The following SPATA31D1 variants were observed in gnomAD, a reference collection of about 807,000 sequenced individuals.
The protein encoded by SPATA31D1 is SPATA31 subfamily D member 1, also known as spermatogenesis-associated protein 31D1.
In SPATA31D1, 6 loss-of-function variants were observed where a neutral mutation model predicts 13.2. The ratio of observed to expected loss-of-function variants is 0.46; its 90% CI spans 0.25 to 0.90. The LOEUF (loss-of-function observed/expected upper bound fraction) is 0.90. Ranked by LOEUF, SPATA31D1 falls within the 40% of genes least tolerant of loss-of-function variation. The pLI is 0.18. For synonymous variants in SPATA31D1, 903 were observed against 718.8 expected (o/e 1.26, Z -4.10); for missense variants, 2,445 against 1,884.7 (o/e 1.30, Z -5.50).
At chr9:81,988,027 G>C (rs533905949), upstream of SPATA31D1, among the ~76,000 whole-genome samples, 1 of 152,140 alleles carries the variant, frequency 6.6e-6, no homozygotes, top group African/African-American at 2.4e-5. Context: ...ACAGACCTCC[G>C]CTTTCCTTCC....
rs1276391451 is a variant in SPATA31D1 at position 81,992,550 on chromosome 9, A to G, written c.2080A>G (p.Arg694Gly). The G allele has an allele frequency of 2.9e-5, 46 of 1,611,848 alleles. No individual in the cohort carries two copies. Among genetic ancestry groups the G allele is most frequent in the Non-Finnish European group, 3.9e-5 (46 of 1,179,730 alleles). Residue 694 changes from arginine to glycine, a missense_variant, in exon 4 of 4, where the codon AGG becomes GGG. By Grantham distance (125) the Arg-to-Gly change is moderately radical. Transcript: ENST00000344803. ...RKKLEQHIRR[R>G]LIQRRWGLPR... ...GAAACTAGAGCAACACATTCGAAGG[A>G]GGCTCATCCAGCGCAGATGGGGCCT...
At chr9:81,989,750 C>T (rs1427956223) in intron 1 of SPATA31D1, 28 bp from the exon 2 acceptor site, 1 of 1,612,846 alleles carries the variant, frequency 6.2e-7, no homozygotes. Context: ...TGAGTCCCAG[C>T]CTGTCATTAT....
In SPATA31D1 at chr9:81,990,956, G is replaced by A. The variant is rs575416308; in HGVS notation, c.486G>A (p.Ser162=). 178 of 1,613,530 alleles carry A rather than the reference G, an allele frequency of 1.1e-4. No homozygotes were observed. The highest frequency in any genetic ancestry group is 1.4e-4 in the Non-Finnish European group (167 of 1,179,806). ...CCTCTGTGTCCCCTTTGGCTTCTTC[G>A]GCTTCTGCGACTGAGTCATCGTTCA... ...AAPSVSPLAS[S]ASATESSFTL... The change falls in exon 4 of 4, where the codon TCG becomes TCA. Residue 162 remains serine, a synonymous_variant. Coordinates refer to ENST00000344803, the MANE Select transcript of SPATA31D1 (RefSeq NM_001001670.3).
In SPATA31D1 at chr9:81,991,954, A is replaced by G. The variant is rs185700687; in HGVS notation, c.1484A>G (p.His495Arg). Residue 495 changes from histidine (H) to arginine (R), a missense_variant, in exon 4 of 4, where the codon CAT (histidine) becomes CGT (arginine). By Grantham distance (29) the His-to-Arg change is conservative. Transcript: ENST00000344803. Reference sequence around the variant, plus strand: ...CCACACTCTAAATGCTTTGAAGACCATTTAGAGCAAAAATATGTCCAGCTC... The same window carrying G: ...CCACACTCTAAATGCTTTGAAGACCGTTTAGAGCAAAAATATGTCCAGCTC... Reference protein sequence around the residue: ...QPPHSKCFEDHLEQKYVQLFW... With the variant: ...QPPHSKCFEDRLEQKYVQLFW... The G allele has an allele frequency of 8.7e-6, 14 of 1,613,812 alleles. 1 individual carries two copies. In the African/African-American group the frequency reaches 9.3e-5, roughly 11 times the overall value.
In SPATA31D1 at chr9:81,990,421, C is replaced by T; in HGVS notation, c.237C>T (p.Phe79=). Reference sequence around the variant, plus strand: ...TGCATATAACATACTATTCAGGTTTCCCAGACTGGAAAAGTTTCCAGAGAG... The same window carrying T: ...TGCATATAACATACTATTCAGGTTTTCCAGACTGGAAAAGTTTCCAGAGAG... The part of the protein sequence containing the change: ...RRRKGGTFKG[F]PDWKSFQREE... The change falls in exon 3 of 4, where the codon TTC becomes TTT. Residue 79 remains phenylalanine, a synonymous_variant. Coordinates refer to ENST00000344803, the MANE Select transcript of SPATA31D1 (RefSeq NM_001001670.3). 5.0e-6 allele frequency: 8 copies of T among 1,604,788 alleles called. No individual in the cohort carries two copies. The highest frequency in any genetic ancestry group is 1.1e-5 in the South Asian group (1 of 89,030).
At chr9:81,989,906 A>G (rs971243422) in intron 2 of SPATA31D1, 83 bp downstream of exon 2, 11 of 1,486,238 alleles carry the variant, frequency 7.4e-6, no homozygotes, top group South Asian at 1.2e-5. Context: ...GATTTCTTAG[A>G]ATGTCAGTTA....
intron 3 of SPATA31D1, 58 bp from the exon 4 acceptor site, chr9:81,990,715 G>A (rs1439159111): frequency 5.8e-6 from 9 of 1,546,442 alleles, no homozygotes; most frequent in East Asian, 2.4e-5. Flanking sequence ...CAGGCTTTAG[G>A]GAACCCACCC....
Position 81,993,991 on chromosome 9 carries a change from T to C in SPATA31D1, c.3521T>C (p.Val1174Ala). ...TCAGGAAGCTGCTCACTGACAAATG[T>C]GAAAGCAAGCACTTCCAATGAAACT... ...SKSGSCSLTN[V>A]KASTSNETEI... is the part of the protein sequence containing the mutation. The change falls in exon 4 of 4, where the codon GTG becomes GCG. Residue 1174 changes from valine (V) to alanine (A), a missense_variant. Physicochemically the swap from Val to Ala is moderately conservative, Grantham distance 64. Coordinates refer to ENST00000344803, the MANE Select transcript of SPATA31D1 (RefSeq NM_001001670.3). The C allele has an allele frequency of 6.2e-7, 1 of 1,613,828 alleles. No homozygotes were observed. Among genetic ancestry groups the C allele is most frequent in the Non-Finnish European group, 8.5e-7 (1 of 1,179,762 alleles).
In SPATA31D1 at chr9:81,988,807, G is replaced by A. The variant is rs753119951; in HGVS notation, c.-12G>A. On this transcript the variant is annotated 5_prime_UTR_variant, in exon 1 of 4. Transcript: ENST00000344803. ...GTGCTCAGTTGCTTCAGGCAGCTGAGCTATTCAGACCATGGAGAATATCCT... is the reference window on the plus strand; with the variant it reads ...GTGCTCAGTTGCTTCAGGCAGCTGAACTATTCAGACCATGGAGAATATCCT... 1 of 1,612,228 alleles carries A rather than the reference G, an allele frequency of 6.2e-7. No homozygotes were observed. The highest frequency in any genetic ancestry group is 1.1e-5 in the South Asian group (1 of 91,000).
rs1328834195 is a variant in SPATA31D1, at chr9:81,993,081, A to G, written c.2611A>G (p.Ile871Val). ...TCTTCCTGAGAAATCCCACAGCCAA[A>G]TTAAACATCGAAATCTGGTAACATT... ...MSLPEKSHSQ[I>V]KHRNLVTLVS... The change falls in exon 4 of 4, where the codon ATT becomes GTT. Residue 871 changes from isoleucine to valine, a missense_variant. Physicochemically the swap from Ile to Val is conservative, Grantham distance 29. Coordinates refer to ENST00000344803, the MANE Select transcript of SPATA31D1 (RefSeq NM_001001670.3). The G allele has an allele frequency of 6.2e-7, 1 of 1,613,832 alleles. No homozygotes were observed. Among genetic ancestry groups the G allele is most frequent in the South Asian group, 1.1e-5 (1 of 91,078 alleles).
chr9:81,991,168 T>C lies in SPATA31D1; in HGVS notation c.698T>C (p.Phe233Ser), dbSNP rs1824950552. Residue 233 changes from phenylalanine to serine, a missense_variant, in exon 4 of 4, where the codon TTC (phenylalanine) becomes TCC (serine). Phe to Ser is a radical substitution (Grantham distance 155, BLOSUM62 -2). Transcript: ENST00000344803. ...CCTGTTTCTCCCTTGGATTCCAAGTTCCCCATAGACCATTCCCCACCCCAA... is the reference window on the plus strand; with the variant it reads ...CCTGTTTCTCCCTTGGATTCCAAGTCCCCCATAGACCATTCCCCACCCCAA... ...PQPVSPLDSK[F>S]PIDHSPPQQL... 6.2e-7 allele frequency: 1 copy of C among 1,613,798 alleles called. No homozygotes were observed. Among genetic ancestry groups the C allele is most frequent in the Non-Finnish European group, 8.5e-7 (1 of 1,179,782 alleles).
At position 81,991,789 on chromosome 9, in the gene SPATA31D1, A is replaced by G; in HGVS notation, c.1319A>G (p.Lys440Arg). Residue 440 changes from lysine (K) to arginine (R), a missense_variant, in exon 4 of 4, where the codon AAA (lysine) becomes AGA (arginine). Coordinates refer to ENST00000344803, the MANE Select transcript of SPATA31D1 (RefSeq NM_001001670.3). ...GGAAAGAAACCAGGATCATTCCCAAAACAACTTAGGCCAAACTACCAACTA... is the reference window on the plus strand; with the variant it reads ...GGAAAGAAACCAGGATCATTCCCAAGACAACTTAGGCCAAACTACCAACTA... The part of the protein sequence containing the change: ...ENGKKPGSFP[K>R]QLRPNYQLNS... 1 of 1,613,758 alleles carries G rather than the reference A, an allele frequency of 6.2e-7. No individual in the cohort carries two copies. The highest frequency in any genetic ancestry group is 8.5e-7 in the Non-Finnish European group (1 of 1,179,730).
At chr9:81,990,182 C>T (rs1587527142) in intron 2 of SPATA31D1, 2 of 535,368 alleles carry the variant, frequency 3.7e-6, no homozygotes, top group East Asian at 2.9e-5. Flanking sequence ...GAGGTAACCA[C>T]TGATGTCTGT....
rs940004905 is a variant in SPATA31D1 at position 81,988,774 on chromosome 9, C to A, written c.-45C>A. ...GCCTGTGCTTATAGTTAAGCCTGGG[C>A]ACCCTCAGTGCTCAGTTGCTTCAGG... On this transcript the variant is annotated 5_prime_UTR_variant, in exon 1 of 4. Transcript: ENST00000344803. The A allele has an allele frequency of 2.5e-6, 4 of 1,611,466 alleles. No homozygotes were observed. The highest frequency in any genetic ancestry group is 2.7e-5 in the African/African-American group (2 of 74,832).
rs187281335 is a variant in SPATA31D1, at chr9:81,989,506, T to C, written c.187-272T>C. On this transcript the variant is annotated intron_variant, in intron 1 of 3. Coordinates refer to ENST00000344803, the MANE Select transcript of SPATA31D1 (RefSeq NM_001001670.3). ...CCATGAGGGAGCACAGATGTGACTG[T>C]TGACCTCTGAGTCTTTGCCCTCCTT... Among the ~76,000 whole-genome samples, 35 of 152,312 alleles carry C rather than the reference T, an allele frequency of 2.3e-4. No individual in the cohort carries two copies. In the East Asian group the frequency reaches 3.5e-3, roughly 15 times the overall value.
At position 81,991,471 on chromosome 9, in the gene SPATA31D1, G is replaced by A. The variant is rs2133439365; in HGVS notation, c.1001G>A (p.Gly334Asp). ...FPEMLSLGGS[G>D]GSSTSAPTIK... ...GAAATGTTATCTCTAGGTGGCTCTG[G>A]TGGGTCATCCACCTCTGCCCCAACA... The change falls in exon 4 of 4, where the codon GGT becomes GAT. Residue 334 changes from glycine (G) to aspartate (D), a missense_variant. Gly to Asp is a moderately conservative substitution (Grantham distance 94, BLOSUM62 -1). Coordinates refer to ENST00000344803, the MANE Select transcript of SPATA31D1 (RefSeq NM_001001670.3). 1 of 1,613,960 alleles carries A rather than the reference G, an allele frequency of 6.2e-7. No homozygotes were observed. Among genetic ancestry groups the A allele is most frequent in the East Asian group, 2.2e-5 (1 of 44,872 alleles).
Position 81,990,997 on chromosome 9 carries a change from C to G in SPATA31D1, c.527C>G (p.Pro176Arg), listed in dbSNP as rs186106743. 8.7e-6 allele frequency: 14 copies of G among 1,613,664 alleles called. No individual in the cohort carries two copies. The Admixed American group carries it at 1.5e-4, about 17-fold the overall frequency. Residue 176 changes from proline (P) to arginine (R), a missense_variant, in exon 4 of 4, where the codon CCC (proline) becomes CGC (arginine). By Grantham distance (103) the Pro-to-Arg change is moderately radical. Transcript: ENST00000344803. ...TCATCGTTCACTCTGGCTTCCACCC[C>G]CTCAGCAACCCCTCCAGAAGACCTA... The part of the protein sequence containing the change: ...TESSFTLAST[P>R]SATPPEDLIL...
Position 81,993,223 on chromosome 9 carries a change from T to C in SPATA31D1, c.2753T>C (p.Leu918Pro), listed in dbSNP as rs1231175839. The C allele has an allele frequency of 6.8e-6, 11 of 1,614,030 alleles. No homozygotes were observed. The South Asian group carries it at 1.2e-4, about 18-fold the overall frequency. The stretch of plus-strand genomic sequence containing the variant: ...TTCCGTATGAGGATGCTGTGGGGCC[T>C]TCCCCTCAAGGTCCTTGAATCCATA... ...KTFRMRMLWGLPLKVLESIEI... is the reference protein window; with the variant it reads ...KTFRMRMLWGPPLKVLESIEI... Residue 918 changes from leucine (L) to proline (P), a missense_variant, in exon 4 of 4, where the codon CTT (leucine) becomes CCT (proline). Coordinates refer to ENST00000344803, the MANE Select transcript of SPATA31D1 (RefSeq NM_001001670.3).
chr9:81,993,348 G>A lies in SPATA31D1; in HGVS notation c.2878G>A (p.Val960Ile). The change falls in exon 4 of 4, where the codon GTC (valine) becomes ATC (isoleucine). Residue 960 changes from valine (V) to isoleucine (I), a missense_variant. By Grantham distance (29) the Val-to-Ile change is conservative. Coordinates refer to ENST00000344803, the MANE Select transcript of SPATA31D1 (RefSeq NM_001001670.3). The stretch of plus-strand genomic sequence containing the variant: ...CTCTCAGGGAGATTCCAAAGATGGG[G>A]TCTCTAAGTCCCGTAGTCGAAGCAC... ...FISQGDSKDGVSKSRSRSTFQ... is the reference protein window; with the variant it reads ...FISQGDSKDGISKSRSRSTFQ... 18 of 1,613,966 alleles carry A rather than the reference G, an allele frequency of 1.1e-5. No homozygotes were observed. Among genetic ancestry groups the A allele is most frequent in the Non-Finnish European group, 1.5e-5 (18 of 1,179,892 alleles).
Sources: allele counts gnomAD v4.1 joint callset (sites outside exome capture counted in the v4.1 genomes callset), GRCh38; gene constraint gnomAD v4.1.1; transcripts MANE v1.5; gene names NCBI Gene and HGNC (gene_info 2026-07-23, HGNC 2026-07-21).